Variants in GGNBP2 observed in about 807,000 individuals in gnomAD.
The protein encoded by GGNBP2 is gametogenetin-binding protein 2.
Under a neutral mutation model 85.9 loss-of-function variants are expected in GGNBP2, and 10 were observed. The observed-to-expected ratio is 0.12, with a 90% confidence interval of 0.07 to 0.20. The LOEUF (loss-of-function observed/expected upper bound fraction) is 0.20, where lower values mean the gene tolerates loss of function less well. GGNBP2 is among the 10% of genes least tolerant of loss of function. The pLI, the probability that GGNBP2 is intolerant of heterozygous loss-of-function variation, is 1.00. For missense variants in GGNBP2, 595 were observed against 857.8 expected (o/e 0.69, Z 3.83); for synonymous variants, 287 against 285.7 (o/e 1.00, Z -0.05).
In GGNBP2 at chr17:36,578,427, T is replaced by C. The variant is rs559934466; in HGVS notation, c.845+241T>C. On this transcript the variant is annotated intron_variant, in intron 7 of 13. Transcript: ENST00000613102. ...AGTTCTTGCTTGAAGGGAGGCAGGC[T>C]TTTTTGGCTTTCATTGTTACAGACT... 11 of 422,604 alleles carry C rather than the reference T, an allele frequency of 2.6e-5. No homozygotes were observed. In the South Asian group the frequency reaches 6.3e-4, roughly 24 times the overall value. 26.2% of individuals were successfully genotyped at this position (422,604 alleles called of 1,614,324 possible). A position where few individuals can be genotyped will look rare whatever the true frequency, so the allele number is the denominator to read the frequency against.
At chr17:36,568,578 T>C (rs547959264) in intron 6 of GGNBP2, among the ~76,000 whole-genome samples, 2 of 152,378 alleles carry the variant, frequency 1.3e-5, no homozygotes, top group South Asian at 2.1e-4. Flanking sequence ...ATTACAGGCA[T>C]GAGCTGTGCC....
At chr17:36,583,484 A>T (rs2074671581) in intron 9 of GGNBP2, among the ~76,000 whole-genome samples, 1 of 152,066 alleles carries the variant, frequency 6.6e-6, no homozygotes, top group African/African-American at 2.4e-5. Flanking sequence ...TTTGGAGCAG[A>T]GTCTTGCTCT....
At chr17:36,577,940 T>C (rs2074608174) in intron 6 of GGNBP2, 43 bp from the exon 7 acceptor site, 3 of 1,465,618 alleles carry the variant, frequency 2.0e-6, no homozygotes, top group Non-Finnish European at 2.9e-6. Flanking sequence ...CAAGAAATAA[T>C]TGCACAGCCA....
rs749654997 is a variant in GGNBP2, at chr17:36,586,036, A to G, written c.1493-14A>G. 1 of 1,613,676 alleles carries G rather than the reference A, an allele frequency of 6.2e-7. No homozygotes were observed. Among genetic ancestry groups the G allele is most frequent in the East Asian group, 2.2e-5 (1 of 44,880 alleles). The stretch of plus-strand genomic sequence containing the variant: ...CTTAAGAACATAAATAAGAAGGATT[A>G]TTGATTTCTGCAGGTGATGACTCTT... On this transcript the variant is annotated splice_polypyrimidine_tract_variant and intron_variant, in intron 11 of 13. Transcript: ENST00000613102.
chr17:36,585,666 T>C, intron 10 of GGNBP2, 174 bp from the exon 11 acceptor site: 1 of 632,218 alleles, frequency 1.6e-6, no homozygotes, highest in Non-Finnish European at 2.6e-6. Context: ...TTCCTAATCA[T>C]ATTTTCATTA....
intron 2 of GGNBP2, among the ~76,000 whole-genome samples, chr17:36,553,021 CAAAAAAAA>C (rs56946600): frequency 3.9e-5 from 3 of 76,232 alleles, no homozygotes; most frequent in African/African-American, 1.7e-4. Flanking sequence ...GACTCTGTCT[CAAAAAAAA>C]AAAAAAAAAA....
chr17:36,570,860 A>G (rs1308004043), intron 6 of GGNBP2, among the ~76,000 whole-genome samples: 1 of 152,002 alleles, frequency 6.6e-6, no homozygotes, highest in Non-Finnish European at 1.5e-5. Context: ...TCTCTACTGA[A>G]AATACATAAA....
intron 8 of GGNBP2, among the ~76,000 whole-genome samples, chr17:36,580,518 C>G (rs540223137): frequency 2.0e-5 from 3 of 151,768 alleles, no homozygotes; most frequent in Non-Finnish European, 4.4e-5. Flanking sequence ...AGCCCTTACT[C>G]GTTTTCTCTT....
At chr17:36,588,497 C>T (rs1418517970) in intron 13 of GGNBP2, among the ~76,000 whole-genome samples, 1 of 152,218 alleles carries the variant, frequency 6.6e-6, no homozygotes, top group Non-Finnish European at 1.5e-5. Context: ...CTCAGGTGAT[C>T]TGCCCACCTC....
intron 3 of GGNBP2, 63 bp from the exon 4 acceptor site, chr17:36,557,020 T>C (rs2074368917): frequency 6.3e-7 from 1 of 1,584,854 alleles, no homozygotes; most frequent in Admixed American, 1.7e-5. Context: ...GAACCAGTAG[T>C]AGTGAAAGTG....
intron 6 of GGNBP2, chr17:36,575,406 C>T (rs1369677949): frequency 3.8e-6 from 1 of 266,404 alleles, no homozygotes; most frequent in African/African-American, 2.3e-5. Context: ...GAAATCATCA[C>T]TTAGTCCAGT....
In GGNBP2 at chr17:36,586,559, G is replaced by A. The variant is rs192690418; in HGVS notation, c.1641+361G>A. The A allele has an allele frequency of 3.6e-4, 95 of 264,036 alleles. No individual in the cohort carries two copies. In the East Asian group the frequency reaches 7.4e-3, roughly 20 times the overall value. 16.4% of individuals were successfully genotyped at this position (264,036 alleles called of 1,614,324 possible). ...GTGTCTAGTACATAGTAAGTGCCTG[G>A]TAAAATAAAATGAATGCCAGCTGCT... On this transcript the variant is annotated intron_variant, in intron 12 of 13. Coordinates refer to ENST00000613102, the MANE Select transcript of GGNBP2 (RefSeq NM_024835.5).
At chr17:36,554,212 G>A (rs1181642651) in intron 2 of GGNBP2, among the ~76,000 whole-genome samples, 1 of 150,294 alleles carries the variant, frequency 6.7e-6, no homozygotes, top group Non-Finnish European at 1.5e-5. Context: ...GCGAGGCTGA[G>A]GCAGGAGAAT....
chr17:36,586,765 C>T, intron 12 of GGNBP2: 1 of 425,566 alleles, frequency 2.3e-6, no homozygotes. Flanking sequence ...ATTACAGGCG[C>T]ATGCCACCAT....
At chr17:36,549,556 C>T (rs1002031358) in intron 2 of GGNBP2, among the ~76,000 whole-genome samples, 1 of 152,136 alleles carries the variant, frequency 6.6e-6, no homozygotes, top group Admixed American at 6.5e-5. Context: ...AAACAAATTA[C>T]CCTTAGTCAT....
chr17:36,556,279 T>A (rs1009775853), intron 3 of GGNBP2, among the ~76,000 whole-genome samples: 3 of 152,216 alleles, frequency 2.0e-5, no homozygotes, highest in Non-Finnish European at 2.9e-5. Context: ...TTTCTCCCAT[T>A]AATTCGTAAT....
At position 36,545,677 on chromosome 17, in the gene GGNBP2, G is replaced by GGCA; in HGVS notation, c.-45_-43dup. On this transcript the variant is annotated 5_prime_UTR_variant, in exon 2 of 14. Transcript: ENST00000613102. ...CAGAAACAGCAGCGGCGGCGGCGGC[G>GGCA]GCAGCTGGGAGGAGGTGGTGACGGT... The GGCA allele has an allele frequency of 7.1e-7, 1 of 1,407,262 alleles. No homozygotes were observed. The allele number at this position is 1,407,262 out of a possible 1,614,324, so 87.2% of individuals were successfully genotyped here. A position where few individuals can be genotyped will look rare whatever the true frequency, so the allele number is the denominator to read the frequency against.
At chr17:36,583,105 G>T (rs1439408175) in intron 9 of GGNBP2, among the ~76,000 whole-genome samples, 1 of 151,988 alleles carries the variant, frequency 6.6e-6, no homozygotes, top group Admixed American at 6.6e-5. Flanking sequence ...CCAGGCTGGA[G>T]TGCAGTGGCA....
chr17:36,570,863 T>C (rs2074516869), intron 6 of GGNBP2, among the ~76,000 whole-genome samples: 1 of 151,230 alleles, frequency 6.6e-6, no homozygotes, highest in African/African-American at 2.4e-5. Flanking sequence ...CTACTGAAAA[T>C]ACATAAATTA....
Sources: allele counts gnomAD v4.1 joint callset (sites outside exome capture counted in the v4.1 genomes callset), GRCh38; gene constraint gnomAD v4.1.1; transcripts MANE v1.5; gene names NCBI Gene and HGNC (gene_info 2026-07-23, HGNC 2026-07-21).